The following CTTN variants were observed in gnomAD, a reference collection of about 807,000 sequenced individuals.
The protein encoded by CTTN is cortactin.
In CTTN, 28 loss-of-function variants were observed where a neutral mutation model predicts 84.0. The ratio of observed to expected loss-of-function variants is 0.33; its 90% CI spans 0.25 to 0.46. The LOEUF is 0.46. Ranked by LOEUF, CTTN falls within the 20% of genes least tolerant of loss-of-function variation. The pLI is 1.00. For synonymous variants in CTTN, 301 were observed against 288.8 expected (o/e 1.04, Z -0.43); for missense variants, 641 against 723.8 (o/e 0.89, Z 1.31).
At chr11:70,426,816 G>A (rs2058306054) in intron 13 of CTTN, among the ~76,000 whole-genome samples, 2 of 151,660 alleles carry the variant, frequency 1.3e-5, no homozygotes, top group African/African-American at 4.8e-5. Context: ...TAGCCAGGAT[G>A]GTCTCGATCT....
intron 4 of CTTN, among the ~76,000 whole-genome samples, chr11:70,409,231 C>T (rs945245974): frequency 1.3e-5 from 2 of 152,186 alleles, no homozygotes; most frequent in Non-Finnish European, 2.9e-5. Flanking sequence ...TCTTATCACT[C>T]TGGGGTCTCT....
chr11:70,420,061 C>G, intron 9 of CTTN: 1 of 606,020 alleles, frequency 1.7e-6, no homozygotes, highest in Non-Finnish European at 2.9e-6. Flanking sequence ...GCGCTCCAGC[C>G]CCAGCGGCGT....
In CTTN at chr11:70,435,703, G is replaced by C; in HGVS notation, c.*541G>C. 6.3e-7 allele frequency: 1 copy of C among 1,597,882 alleles called. No individual in the cohort carries two copies. Among genetic ancestry groups the C allele is most frequent in the Non-Finnish European group, 8.5e-7 (1 of 1,179,634 alleles). ...AGCACAGGAGCTGCCATGTCAGATG[G>C]GAAATCTGCCTATGTCATACCGTGA... On this transcript the variant is annotated 3_prime_UTR_variant, in exon 18 of 18. Transcript: ENST00000301843.
At chr11:70,401,643 G>A (rs751682656) in intron 1 of CTTN, among the ~76,000 whole-genome samples, 9 of 150,550 alleles carry the variant, frequency 6.0e-5, no homozygotes, top group Non-Finnish European at 7.4e-5. Flanking sequence ...GTGAGACTTC[G>A]TCTCAAACAA....
chr11:70,407,250 T>A (rs1011336503), intron 2 of CTTN, 48 bp from the exon 3 acceptor site: 5 of 1,496,880 alleles, frequency 3.3e-6, no homozygotes, highest in African/African-American at 1.4e-5. Context: ...CTGGCCTCTG[T>A]GGATGGCGCC....
At chr11:70,402,247 G>A (rs1442183328) in intron 1 of CTTN, among the ~76,000 whole-genome samples, 2 of 152,236 alleles carry the variant, frequency 1.3e-5, no homozygotes, top group Non-Finnish European at 2.9e-5. Context: ...GTACACTGAC[G>A]TTTGCAAGGA....
chr11:70,409,747 C>T, intron 4 of CTTN, 84 bp from the exon 5 acceptor site: 2 of 1,410,552 alleles, frequency 1.4e-6, no homozygotes, highest in Non-Finnish European at 2.0e-6. Flanking sequence ...AAGATAATGT[C>T]ACCTGTTCTT....
chr11:70,422,417 G>T, intron 11 of CTTN: 1 of 1,011,802 alleles, frequency 9.9e-7, no homozygotes, highest in Non-Finnish European at 1.4e-6. Context: ...ACTGCTGCAT[G>T]ACAGTGTGAC....
chr11:70,413,656 T>C (rs2058121319), intron 5 of CTTN, among the ~76,000 whole-genome samples: 1 of 152,104 alleles, frequency 6.6e-6, no homozygotes, highest in Non-Finnish European at 1.5e-5. Context: ...CAAACCTGTG[T>C]GCGCTGATGG....
chr11:70,427,222 C>T (rs1433634222), intron 13 of CTTN, among the ~76,000 whole-genome samples: 8 of 151,956 alleles, frequency 5.3e-5, no homozygotes, highest in South Asian at 2.1e-4. Flanking sequence ...TGGTGGTCCA[C>T]GCCTGTAATC....
At chr11:70,404,996 C>T (rs1316558502) in intron 1 of CTTN, among the ~76,000 whole-genome samples, 1 of 152,132 alleles carries the variant, frequency 6.6e-6, no homozygotes, top group Non-Finnish European at 1.5e-5. Flanking sequence ...GAGTGAAACT[C>T]CATCTCAAAA....
At position 70,425,903 on chromosome 11, in the gene CTTN, C is replaced by T. The variant is rs186089163; in HGVS notation, c.1027+502C>T. Among the ~76,000 whole-genome samples, 14 of 152,258 alleles carry T rather than the reference C, an allele frequency of 9.2e-5. No homozygotes were observed. The East Asian group carries it at 2.3e-3, about 25-fold the overall frequency. ...ATGGAGTCAGATGTGGGCCCTGCCC[C>T]GGAGAGTCAAGTAGTTGGGGAAAAT... On this transcript the variant is annotated intron_variant, in intron 13 of 17. Transcript: ENST00000301843.
rs56009370 is a variant in CTTN at position 70,433,521 on chromosome 11, G to A, written c.1445-126G>A. The A allele has an allele frequency of 0.025, 21,831 of 865,676 alleles. 3,155 individuals are homozygous for A. In the African/African-American group the frequency reaches 0.32, roughly 13 times the overall value. The allele number at this position is 865,676 out of a possible 1,614,324, so 53.6% of individuals were successfully genotyped here. A position where few individuals can be genotyped will look rare whatever the true frequency, so the allele number is the denominator to read the frequency against. On this transcript the variant is annotated intron_variant, in intron 16 of 17. Transcript: ENST00000301843. Reference sequence around the variant, plus strand: ...GACGGGTGGGCAGGGGCAGAGGAAGGGAGGGTTTCAGCTGCCGCCCTGTGT... The same window carrying A: ...GACGGGTGGGCAGGGGCAGAGGAAGAGAGGGTTTCAGCTGCCGCCCTGTGT...
At chr11:70,408,854 T>C (rs1057052758) in intron 4 of CTTN, among the ~76,000 whole-genome samples, 5 of 152,116 alleles carry the variant, frequency 3.3e-5, no homozygotes, top group African/African-American at 1.2e-4. Flanking sequence ...TAGCCTTGGG[T>C]ATTTGCTATG....
At chr11:70,400,971 C>G (rs2057971852) in intron 1 of CTTN, among the ~76,000 whole-genome samples, 1 of 152,196 alleles carries the variant, frequency 6.6e-6, no homozygotes, top group South Asian at 2.1e-4. Flanking sequence ...CCTTTCTCCT[C>G]CTGCTCTGCC....
chr11:70,435,531 T>C lies in CTTN; in HGVS notation c.*369T>C, dbSNP rs1230375647. On this transcript the variant is annotated 3_prime_UTR_variant, in exon 18 of 18. Transcript: ENST00000301843. Reference sequence around the variant, plus strand: ...GTGCCCATCAAGTGCAGTCGGGACCTCCCAGGACAAGCACGAGGCCTCAGG... The same window carrying C: ...GTGCCCATCAAGTGCAGTCGGGACCCCCCAGGACAAGCACGAGGCCTCAGG... The C allele has an allele frequency of 6.4e-7, 1 of 1,564,890 alleles. No individual in the cohort carries two copies. Among genetic ancestry groups the C allele is most frequent in the Admixed American group, 1.8e-5 (1 of 54,502 alleles).
In CTTN at chr11:70,421,438, T is replaced by G. The variant is rs773601191; in HGVS notation, c.791-32T>G. The stretch of plus-strand genomic sequence containing the variant: ...ACCCAACTGTGTTTCCTCTTTTGGT[T>G]GTTTTCCCCACCGTTGCTTGTGGAT... On this transcript the variant is annotated intron_variant, in intron 10 of 17. Coordinates refer to ENST00000301843, the MANE Select transcript of CTTN (RefSeq NM_005231.4). 2.0e-6 allele frequency: 3 copies of G among 1,468,324 alleles called. No homozygotes were observed. In the Admixed American group the frequency reaches 5.0e-5, roughly 25 times the overall value. The allele number at this position is 1,468,324 out of a possible 1,614,324, so 91.0% of individuals were successfully genotyped here.
At chr11:70,420,817 G>C (rs551578828) in intron 10 of CTTN, among the ~76,000 whole-genome samples, 1 of 151,906 alleles carries the variant, frequency 6.6e-6, no homozygotes, top group African/African-American at 2.4e-5. Flanking sequence ...AGCCTGCAGC[G>C]GGGGGCTGGG....
At position 70,425,314 on chromosome 11, in the gene CTTN, C is replaced by A; in HGVS notation, c.958-18C>A. 6.2e-7 allele frequency: 1 copy of A among 1,606,290 alleles called. No individual in the cohort carries two copies. Among genetic ancestry groups the A allele is most frequent in the Non-Finnish European group, 8.5e-7 (1 of 1,175,522 alleles). On this transcript the variant is annotated intron_variant, in intron 12 of 17. Transcript: ENST00000301843. ...AAGAGAAAAGTGCTCTCCTGACGCC[C>A]ATGTCCTGTCTCTGCAGAATGCGTC...
Sources: allele counts gnomAD v4.1 joint callset (sites outside exome capture counted in the v4.1 genomes callset), GRCh38; gene constraint gnomAD v4.1.1; transcripts MANE v1.5; gene names NCBI Gene and HGNC (gene_info 2026-07-23, HGNC 2026-07-21).